The following RC3H2 variants were observed in gnomAD, a reference collection of about 807,000 sequenced individuals.
RC3H2 encodes ring finger and CCCH-type domains 2, also known as roquin-2.
A neutral mutation model predicts 133.3 loss-of-function variants in RC3H2; 31 were observed. The ratio of observed to expected loss-of-function variants is 0.23; its 90% CI spans 0.17 to 0.31. The LOEUF (loss-of-function observed/expected upper bound fraction) is 0.31, where lower values mean the gene tolerates loss of function less well. Ranked by LOEUF, RC3H2 falls within the 10% of genes least tolerant of loss-of-function variation. The pLI is 1.00. For missense variants in RC3H2, 1,175 were observed against 1,437.2 expected, an observed-to-expected ratio of 0.82 and a Z score of 2.95; for synonymous variants, 517 against 502.2, an observed-to-expected ratio of 1.03 and a Z score of -0.40.
At chr9:122,889,967 C>A (rs1832090449) in intron 4 of RC3H2, among the ~76,000 whole-genome samples, 1 of 152,080 alleles carries the variant, frequency 6.6e-6, no homozygotes, top group Admixed American at 6.5e-5. Flanking sequence ...CATGGTGGAA[C>A]CCTGTCTGTA....
chr9:122,872,737 AC>A (rs1014882561), intron 9 of RC3H2, among the ~76,000 whole-genome samples: 2 of 152,198 alleles, frequency 1.3e-5, no homozygotes, highest in Admixed American at 1.3e-4. Context: ...GGCGTGCACC[AC>A]CATGCCCGGC....
intron 10 of RC3H2, among the ~76,000 whole-genome samples, 200 bp from the exon 11 acceptor site, chr9:122,860,331 T>C (rs1222010490): frequency 3.3e-5 from 5 of 152,100 alleles, no homozygotes; most frequent in Non-Finnish European, 4.4e-5. Flanking sequence ...AGATGTCATA[T>C]TCCTGTGTGG....
In RC3H2 at chr9:122,858,026, T is replaced by A. The variant is rs377288600; in HGVS notation, c.2351A>T (p.Gln784Leu). The A allele has an allele frequency of 6.2e-7, 1 of 1,614,206 alleles. No homozygotes were observed. The highest frequency in any genetic ancestry group is 1.7e-5 in the Admixed American group (1 of 60,034). The stretch of plus-strand genomic sequence containing the variant: ...AAGAGGTGCTTTCTGAGTGTGGTAC[T>A]GTGCCCACTGATCTGGCTTTCTTCT... The part of the protein sequence containing the change: ...QIRRKPDQWA[Q>L]YHTQKAPLVS... The change falls in exon 13 of 21, where the codon CAG becomes CTG. Residue 784 changes from glutamine to leucine, a missense_variant. This residue lies in a region of RC3H2 where 490 missense variants were observed against 492.8 expected (regional missense o/e 0.99). Transcript: ENST00000357244.
intron 9 of RC3H2, among the ~76,000 whole-genome samples, chr9:122,871,506 T>TGG (rs34377701): frequency 0.037 from 4,775 of 127,444 alleles, 321 homozygotes; most frequent in African/African-American, 0.13. Context: ...ACCGTGTTAG[T>TGG]GGGGGGGGGG....
At position 122,844,923 on chromosome 9, in the gene RC3H2, C is replaced by T. The variant is rs1016115112; in HGVS notation, c.*4704G>A. The T allele has an allele frequency of 2.6e-5, 4 of 152,120 alleles. No homozygotes were observed. Among genetic ancestry groups the T allele is most frequent in the Admixed American group, 2.0e-4 (3 of 15,266 alleles). The allele number at this position is 152,120 out of a possible 1,614,324, so 9.4% of individuals were successfully genotyped here. A position where few individuals can be genotyped will look rare whatever the true frequency, so the allele number is the denominator to read the frequency against. On this transcript the variant is annotated 3_prime_UTR_variant, in exon 21 of 21. Transcript: ENST00000357244. ...CATATATATTCCCCATTTCATTGTA[C>T]AGAATTATTTTAAATTATAGTTTTA...
chr9:122,845,401 C>G lies in RC3H2; in HGVS notation c.*4226G>C, dbSNP rs1409951235. The G allele has an allele frequency of 1.3e-5, 2 of 152,174 alleles. No homozygotes were observed. The highest frequency in any genetic ancestry group is 4.8e-5 in the African/African-American group (2 of 41,430). 9.4% of individuals were successfully genotyped at this position (152,174 alleles called of 1,614,324 possible). On this transcript the variant is annotated 3_prime_UTR_variant, in exon 21 of 21. Transcript: ENST00000357244. ...TTGCCCAGCTAAGAGAATGCATGCA[C>G]TTCCATGCCTTGGGTTATAAAGTGA...
chr9:122,878,070 C>T (rs536376934), intron 8 of RC3H2, among the ~76,000 whole-genome samples: 5 of 152,206 alleles, frequency 3.3e-5, no homozygotes, highest in East Asian at 3.9e-4. Flanking sequence ...TGAGTTCATA[C>T]AATGAGGCAG....
At chr9:122,862,310 T>C (rs1001596928) in intron 10 of RC3H2, among the ~76,000 whole-genome samples, 1 of 152,212 alleles carries the variant, frequency 6.6e-6, no homozygotes, top group Non-Finnish European at 1.5e-5. Context: ...AAAAAGCTAA[T>C]CTTCAGTCAC....
intron 10 of RC3H2, 32 bp from the exon 11 acceptor site, chr9:122,860,163 G>C: frequency 1.3e-6 from 2 of 1,512,744 alleles, no homozygotes; most frequent in Non-Finnish European, 1.8e-6. Flanking sequence ...GGGCAAAGGA[G>C]AAATCACTGT....
intron 2 of RC3H2, among the ~76,000 whole-genome samples, chr9:122,893,734 GAC>G (rs1205400132): frequency 6.6e-6 from 1 of 152,028 alleles, no homozygotes; most frequent in Non-Finnish European, 1.5e-5. Flanking sequence ...GAGAAAAAAA[GAC>G]ACAGTTGTTT....
intron 5 of RC3H2, among the ~76,000 whole-genome samples, chr9:122,882,430 C>CTATTT (rs1831686647): frequency 6.6e-6 from 1 of 152,194 alleles, no homozygotes; most frequent in African/African-American, 2.4e-5. Flanking sequence ...ACTATTTTCA[C>CTATTT]TCTTGGGGGC....
chr9:122,888,176 GACAA>G (rs1832012053), intron 4 of RC3H2, among the ~76,000 whole-genome samples: 1 of 152,048 alleles, frequency 6.6e-6, no homozygotes, highest in South Asian at 2.1e-4. Context: ...TGAACAATAT[GACAA>G]ACAAATATAA....
At position 122,849,786 on chromosome 9, in the gene RC3H2, G is replaced by A. The variant is rs1588045601; in HGVS notation, c.3417C>T (p.Cys1139=). 6.3e-7 allele frequency: 1 copy of A among 1,578,394 alleles called. No individual in the cohort carries two copies. Among genetic ancestry groups the A allele is most frequent in the African/African-American group, 1.4e-5 (1 of 73,110 alleles). ...TAGACACTGGGAGTGGCTGGCTAAA[G>A]CAAGAAGTTACCGGCAGAATTGTTT... ...EQKTILPVTS[C]FSQPLPVSIS... is the part of the protein sequence containing the mutation. Residue 1139 remains cysteine (C), a synonymous_variant, in exon 21 of 21, where the codon TGC becomes TGT. Transcript: ENST00000357244.
At chr9:122,885,298 C>T (rs544483855) in intron 4 of RC3H2, among the ~76,000 whole-genome samples, 96 of 152,154 alleles carry the variant, frequency 6.3e-4, no homozygotes, top group African/African-American at 2.1e-3. Flanking sequence ...TGCTGAATGT[C>T]GGTAAAGAAT....
In RC3H2 at chr9:122,865,384, A is replaced by T; in HGVS notation, c.1599T>A (p.Asn533Lys). 6.2e-7 allele frequency: 1 copy of T among 1,613,664 alleles called. No individual in the cohort carries two copies. The highest frequency in any genetic ancestry group is 8.5e-7 in the Non-Finnish European group (1 of 1,179,528). Residue 533 changes from asparagine to lysine, a missense_variant, in exon 10 of 21, where the codon AAT (asparagine) becomes AAA (lysine). Around this residue, in one of 8 missense-constraint regions of RC3H2, gnomAD observed 490 missense variants for 492.8 expected, o/e 0.99. Transcript: ENST00000357244. ...CAGAATCTGCAGAGGGCCCAGCAGC[A>T]TTCTGACCATTAGCGCCAACCTTTC... ...KVGKVGANGQ[N>K]AAGPSADSVT...
chr9:122,877,053 G>A lies in RC3H2; in HGVS notation c.1325+418C>T, dbSNP rs1228821250. 2.0e-5 allele frequency among the ~76,000 whole-genome samples: 3 copies of A among 152,162 alleles called. 1 individual carries two copies. In the South Asian group the frequency reaches 6.2e-4, roughly 31 times the overall value. The stretch of plus-strand genomic sequence containing the variant: ...CTGAGTAAAGTTCTAAATCACTTAT[G>A]TAAATCTTGTACCCAGATCTTATAT... On this transcript the variant is annotated intron_variant, in intron 9 of 20. Transcript: ENST00000357244.
At chr9:122,868,214 C>T (rs1480071087) in intron 9 of RC3H2, among the ~76,000 whole-genome samples, 1 of 152,118 alleles carries the variant, frequency 6.6e-6, no homozygotes, top group African/African-American at 2.4e-5. Context: ...AGCCCCTCTG[C>T]CCGGCCACCA....
At position 122,854,259 on chromosome 9, in the gene RC3H2, A is replaced by C; in HGVS notation, c.2908T>G (p.Phe970Val). The change falls in exon 17 of 21, where the codon TTC becomes GTC. Residue 970 changes from phenylalanine (F) to valine (V), a missense_variant. Transcript: ENST00000357244. ...TGACCAGATAAATCAGTAACAATGA[A>C]TCTGTCCCTTTAAAGAGAAATATGT... ...SSAHYVERDR[F>V]IVTDLSGHRK... The C allele has an allele frequency of 6.2e-7, 1 of 1,611,310 alleles. No homozygotes were observed. Among genetic ancestry groups the C allele is most frequent in the Non-Finnish European group, 8.5e-7 (1 of 1,178,240 alleles).
chr9:122,850,484 C>T (rs1244889972), intron 20 of RC3H2, among the ~76,000 whole-genome samples: 1 of 128,912 alleles, frequency 7.8e-6, no homozygotes, highest in African/African-American at 3.3e-5. Context: ...CTCAGTCTGT[C>T]GCCCAGGCTG....
Sources: gnomAD v4.1 joint callset for allele counts (sites outside exome capture counted in the v4.1 genomes callset) on GRCh38, gnomAD v4.1.1 for gene constraint, gnomAD v4.1.1 regional missense constraint, MANE v1.5 for transcripts, NCBI Gene and HGNC (gene_info 2026-07-23, HGNC 2026-07-21) for gene names.